The following KYNU variants were observed in gnomAD, a reference collection of about 807,000 sequenced individuals.
KYNU encodes L-kynurenine hydrolase.
Under a neutral mutation model 59.2 loss-of-function variants are expected in KYNU, and 54 were observed. That is an observed-to-expected ratio of 0.91 (90% CI 0.73 to 1.14). The LOEUF (loss-of-function observed/expected upper bound fraction) is 1.14. Ranked by LOEUF, KYNU falls within the 50% of genes most tolerant of loss-of-function variation. KYNU has a pLI of 0.00. For missense variants in KYNU, 567 were observed against 554.4 expected (o/e 1.02, Z -0.23); for synonymous variants, 177 against 192.0 (o/e 0.92, Z 0.65).
At chr2:142,940,050 G>A (rs934885672) in intron 4 of KYNU, among the ~76,000 whole-genome samples, 2 of 152,244 alleles carry the variant, frequency 1.3e-5, no homozygotes, top group African/African-American at 4.8e-5. Context: ...ACCTAGAGCA[G>A]TGCATATTCT....
Position 142,959,143 on chromosome 2 carries a change from G to A in KYNU, c.582+1428G>A, listed in dbSNP as rs564273552. On this transcript the variant is annotated intron_variant, in intron 7 of 13. Transcript: ENST00000264170. ...CATACACACTCACACACACACACAC[G>A]TACTCTCTTAACATGGAGCAGAGTA... 4.6e-5 allele frequency among the ~76,000 whole-genome samples: 7 copies of A among 151,700 alleles called. No individual in the cohort carries two copies. In the East Asian group the frequency reaches 9.7e-4, roughly 21 times the overall value.
At position 143,055,653 on chromosome 2, in the gene KYNU, AGG is replaced by A. The variant is rs1687340833; in HGVS notation, c.*13482_*13483del. ...ACCACAGGAAGGAAGGAAGGAAGGA[AGG>A]AAGGAAGGAAGGAAGGAAGGAAGGA... is the stretch of plus-strand genomic sequence containing the variant. On this transcript the variant is annotated 3_prime_UTR_variant, in exon 14 of 14. Coordinates refer to ENST00000264170, the MANE Select transcript of KYNU (RefSeq NM_003937.3). 2.0e-5 allele frequency: 3 copies of A among 151,682 alleles called. No homozygotes were observed. Among genetic ancestry groups the A allele is most frequent in the Non-Finnish European group, 4.4e-5 (3 of 67,888 alleles). The allele number at this position is 151,682 out of a possible 1,614,324, so 9.4% of individuals were successfully genotyped here.
chr2:143,006,683 C>T (rs1043875488), intron 10 of KYNU, among the ~76,000 whole-genome samples: 1 of 151,214 alleles, frequency 6.6e-6, no homozygotes, highest in Non-Finnish European at 1.5e-5. Flanking sequence ...AGAGCAGTGG[C>T]TCTCCCAGCA....
At chr2:142,992,025 T>G (rs1685411637) in intron 10 of KYNU, among the ~76,000 whole-genome samples, 1 of 151,972 alleles carries the variant, frequency 6.6e-6, no homozygotes, top group Non-Finnish European at 1.5e-5. Context: ...CTACAAATTC[T>G]TAGTATCTTG....
rs1372767383 is a variant in KYNU at position 142,956,272 on chromosome 2, C to T, written c.505C>T (p.His169Tyr). ...AGAAGCCAAAGCCTTCCCTTCTGAT[C>T]ATGTAAGGACTTCTTCAAATTGTAT... ...LLEAKAFPSDHYAIESQLQLH... is the reference protein window; with the variant it reads ...LLEAKAFPSDYYAIESQLQLH... Residue 169 changes from histidine (H) to tyrosine (Y), a missense_variant and splice_region_variant, in exon 6 of 14, where the codon CAT becomes TAT. By Grantham distance (83) the His-to-Tyr change is moderately conservative. Coordinates refer to ENST00000264170, the MANE Select transcript of KYNU (RefSeq NM_003937.3). The T allele has an allele frequency of 6.3e-7, 1 of 1,576,640 alleles. No homozygotes were observed.
Position 143,046,009 on chromosome 2 carries a change from A to T in KYNU, c.*3837A>T, listed in dbSNP as rs1342066970. ...TGCTCATAAGTTTATAAATGTTCTAAAATATTTCATGCTAATCACATTAAA... is the reference window on the plus strand; with the variant it reads ...TGCTCATAAGTTTATAAATGTTCTATAATATTTCATGCTAATCACATTAAA... On this transcript the variant is annotated 3_prime_UTR_variant, in exon 14 of 14. Transcript: ENST00000264170. 6.6e-6 allele frequency: 1 copy of T among 152,158 alleles called. No homozygotes were observed. Among genetic ancestry groups the T allele is most frequent in the African/African-American group, 2.4e-5 (1 of 41,436 alleles). 9.4% of individuals were successfully genotyped at this position (152,158 alleles called of 1,614,324 possible). A position where few individuals can be genotyped will look rare whatever the true frequency, so the allele number is the denominator to read the frequency against.
At chr2:142,878,320 A>C in intron 1 of KYNU, among the ~76,000 whole-genome samples, 1 of 152,122 alleles carries the variant, frequency 6.6e-6, no homozygotes, top group South Asian at 2.1e-4. Context: ...GTTATTTAGT[A>C]GTAACACTGA....
At chr2:142,993,316 T>C (rs1347013583) in intron 10 of KYNU, among the ~76,000 whole-genome samples, 5 of 152,156 alleles carry the variant, frequency 3.3e-5, no homozygotes, top group Non-Finnish European at 7.4e-5. Context: ...ACTTAACATT[T>C]TAAAGCCTGC....
At chr2:142,899,884 A>T (rs1682014983) in intron 2 of KYNU, among the ~76,000 whole-genome samples, 1 of 152,162 alleles carries the variant, frequency 6.6e-6, no homozygotes, top group Non-Finnish European at 1.5e-5. Context: ...GTAAATAATG[A>T]TTCGGCCATC....
intron 10 of KYNU, among the ~76,000 whole-genome samples, chr2:143,027,011 A>G (rs1686594270): frequency 6.6e-6 from 1 of 152,158 alleles, no homozygotes; most frequent in African/African-American, 2.4e-5. Flanking sequence ...GGTTTAGGAA[A>G]AAGCAACATT....
rs151306026 is a variant in KYNU, at chr2:143,033,145, G to A, written c.956-91G>A. The stretch of plus-strand genomic sequence containing the variant: ...ATCCTACTTAGGAAGAAAAGTTTAA[G>A]TCTTGCTCTTTTACTCTCCAGTACT... On this transcript the variant is annotated intron_variant, in intron 11 of 13. Coordinates refer to ENST00000264170, the MANE Select transcript of KYNU (RefSeq NM_003937.3). 2.2e-4 allele frequency: 199 copies of A among 892,652 alleles called. No homozygotes were observed. The African/African-American group carries it at 3.1e-3, about 14-fold the overall frequency. 55.3% of individuals were successfully genotyped at this position (892,652 alleles called of 1,614,324 possible). A position where few individuals can be genotyped will look rare whatever the true frequency, so the allele number is the denominator to read the frequency against.
At chr2:142,997,076 A>G (rs966630654) in intron 10 of KYNU, among the ~76,000 whole-genome samples, 2 of 152,172 alleles carry the variant, frequency 1.3e-5, no homozygotes, top group African/African-American at 4.8e-5. Context: ...AGTTCAGACA[A>G]CTTGATAACA....
chr2:142,884,879 C>T (rs1378637820), intron 1 of KYNU, among the ~76,000 whole-genome samples: 3 of 143,462 alleles, frequency 2.1e-5, no homozygotes, highest in East Asian at 2.1e-4. Flanking sequence ...CTTTTCCCAA[C>T]CTCAGGAATA....
intron 8 of KYNU, among the ~76,000 whole-genome samples, chr2:142,973,113 G>C (rs1379665513): frequency 6.7e-6 from 1 of 149,236 alleles, no homozygotes; most frequent in Non-Finnish European, 1.5e-5. Context: ...TATATATTTT[G>C]TATGTATATA....
rs184096255 is a variant in KYNU at position 143,027,436 on chromosome 2, A to G, written c.903-2191A>G. 3.4e-3 allele frequency among the ~76,000 whole-genome samples: 512 copies of G among 152,274 alleles called. 1 individual carries two copies. Among genetic ancestry groups the G allele is most frequent in the Non-Finnish European group, 5.8e-3 (396 of 68,012 alleles). Reference sequence around the variant, plus strand: ...TCATCTTTACATTATAGTGTGAAACATTAGTGAGATTGAGGTGTTTTTGTT... The same window carrying G: ...TCATCTTTACATTATAGTGTGAAACGTTAGTGAGATTGAGGTGTTTTTGTT... On this transcript the variant is annotated intron_variant, in intron 10 of 13. Transcript: ENST00000264170.
intron 2 of KYNU, among the ~76,000 whole-genome samples, chr2:142,898,073 T>A (rs1344973067): frequency 3.9e-5 from 6 of 151,982 alleles, no homozygotes; most frequent in Middle Eastern, 3.2e-3. Context: ...GGCTAATTTT[T>A]AAAAATTTTT....
intron 2 of KYNU, 27 bp downstream of exon 2, chr2:142,885,563 T>TTTTA (rs751169783): frequency 7.7e-6 from 12 of 1,566,290 alleles, no homozygotes; most frequent in Admixed American, 1.7e-5. Context: ...GGTTTTTAAA[T>TTTTA]TTTATTTATT....
chr2:143,045,167 C>G lies in KYNU; in HGVS notation c.*2995C>G, dbSNP rs753242676. 6.6e-6 allele frequency: 1 copy of G among 151,856 alleles called. No individual in the cohort carries two copies. Among genetic ancestry groups the G allele is most frequent in the East Asian group, 1.9e-4 (1 of 5,168 alleles). The allele number at this position is 151,856 out of a possible 1,614,324, so 9.4% of individuals were successfully genotyped here. A position where few individuals can be genotyped will look rare whatever the true frequency, so the allele number is the denominator to read the frequency against. On this transcript the variant is annotated 3_prime_UTR_variant, in exon 14 of 14. Coordinates refer to ENST00000264170, the MANE Select transcript of KYNU (RefSeq NM_003937.3). ...TAAATGTGTGGTGTTATTTCTGAGG[C>G]CTCTGTTTTGTTCCATTGGTCTATA...
chr2:142,950,711 A>G (rs770326782), intron 4 of KYNU, among the ~76,000 whole-genome samples: 12 of 152,208 alleles, frequency 7.9e-5, no homozygotes, highest in Non-Finnish European at 1.5e-4. Context: ...TGTTGTGTTC[A>G]CTGAAGTAGC....
Sources: allele counts gnomAD v4.1 joint callset (sites outside exome capture counted in the v4.1 genomes callset), GRCh38; gene constraint gnomAD v4.1.1; transcripts MANE v1.5; gene names NCBI Gene and HGNC (gene_info 2026-07-23, HGNC 2026-07-21).